The following SPAG16 variants were observed in gnomAD, a reference collection of about 807,000 sequenced individuals.
SPAG16 encodes sperm-associated antigen 16 protein.
SPAG16 carries 86 observed loss-of-function variants against 80.4 expected under a neutral mutation model. That is an observed-to-expected ratio of 1.07 (90% CI 0.90 to 1.28). The LOEUF (loss-of-function observed/expected upper bound fraction) is 1.28. Ranked by LOEUF, SPAG16 falls within the 50% of genes most tolerant of loss-of-function variation. The pLI, the probability that SPAG16 is intolerant of heterozygous loss-of-function variation, is 0.00. For synonymous variants in SPAG16, 294 were observed against 265.9 expected (o/e 1.11, Z -1.03); for missense variants, 870 against 765.3 (o/e 1.14, Z -1.61).
At chr2:213,332,733 T>A (rs1183880410) in intron 5 of SPAG16, among the ~76,000 whole-genome samples, 1 of 152,184 alleles carries the variant, frequency 6.6e-6, no homozygotes, top group African/African-American at 2.4e-5. Context: ...TGCAAGTTAA[T>A]CAGTGTGATA....
intron 12 of SPAG16, among the ~76,000 whole-genome samples, chr2:214,012,284 A>ATTTTTTTTTTTTT (rs1483720818): frequency 5.5e-4 from 30 of 54,586 alleles, no homozygotes; most frequent in African/African-American, 1.3e-3. Context: ...ATATATATAT[A>ATTTTTTTTTTTTT]TATATTTTTT....
chr2:213,312,302 A>G (rs924811860), intron 4 of SPAG16, among the ~76,000 whole-genome samples: 5 of 151,684 alleles, frequency 3.3e-5, no homozygotes, highest in Non-Finnish European at 5.9e-5. Flanking sequence ...TTCTATTTAT[A>G]TGCCTATTTT....
At chr2:213,761,589 C>T (rs911592483) in intron 10 of SPAG16, among the ~76,000 whole-genome samples, 7 of 152,078 alleles carry the variant, frequency 4.6e-5, no homozygotes, top group Admixed American at 6.5e-5. Context: ...AGGCTGGGCA[C>T]GGTGGCTCAC....
At chr2:214,067,750 ATAT>A (rs1330153293) in intron 13 of SPAG16, among the ~76,000 whole-genome samples, 2 of 152,128 alleles carry the variant, frequency 1.3e-5, no homozygotes, top group Non-Finnish European at 2.9e-5. Flanking sequence ...TTTTGTTGAA[ATAT>A]TATTTTCATG....
intron 10 of SPAG16, among the ~76,000 whole-genome samples, chr2:213,634,864 G>A (rs1411100898): frequency 4.0e-5 from 6 of 151,692 alleles, no homozygotes; most frequent in African/African-American, 9.7e-5. Flanking sequence ...TTGGTTTTCC[G>A]CTCCTGAGTA....
chr2:213,800,840 G>A (rs533230122), intron 10 of SPAG16, among the ~76,000 whole-genome samples: 105 of 152,190 alleles, frequency 6.9e-4, no homozygotes, highest in African/African-American at 2.4e-3. Flanking sequence ...AGTAGAGTAC[G>A]CTGTGCCAAT....
intron 14 of SPAG16, among the ~76,000 whole-genome samples, chr2:214,125,986 TTTTCCTTCCTTC>T (rs1408617797): frequency 7.1e-4 from 100 of 141,558 alleles, no homozygotes; most frequent in African/African-American, 1.9e-3. Context: ...CCTGACTTTC[TTTTCCTTCCTTC>T]TTTCCTTCCT....
intron 10 of SPAG16, among the ~76,000 whole-genome samples, chr2:213,859,785 A>G (rs1308479060): frequency 2.0e-5 from 3 of 152,204 alleles, no homozygotes; most frequent in African/African-American, 7.2e-5. Flanking sequence ...TGATAGTACC[A>G]ACATCAGTCA....
At chr2:213,826,762 CTA>C (rs1367124398) in intron 10 of SPAG16, among the ~76,000 whole-genome samples, 2 of 151,922 alleles carry the variant, frequency 1.3e-5, no homozygotes, top group Non-Finnish European at 2.9e-5. Flanking sequence ...TCCATTTGTT[CTA>C]TAGTATGGAT....
chr2:213,742,293 T>G (rs1575004214), intron 10 of SPAG16, among the ~76,000 whole-genome samples: 1 of 152,276 alleles, frequency 6.6e-6, no homozygotes, highest in East Asian at 1.9e-4. Flanking sequence ...ATTAATAAAT[T>G]CATTTGTCTT....
chr2:213,474,354 C>T (rs59590839), intron 9 of SPAG16, among the ~76,000 whole-genome samples: 14,787 of 152,124 alleles, frequency 0.097, 1,874 homozygotes, highest in African/African-American at 0.29. Flanking sequence ...CTCAGGGAAA[C>T]CTTGGCAGAT....
intron 9 of SPAG16, among the ~76,000 whole-genome samples, chr2:213,405,920 G>C (rs774482375): frequency 6.6e-6 from 1 of 152,100 alleles, no homozygotes; most frequent in Non-Finnish European, 1.5e-5. Flanking sequence ...GCAAAATAAG[G>C]GTTTTCAAAG....
chr2:214,338,521 A>T (rs950539207), intron 15 of SPAG16, among the ~76,000 whole-genome samples: 6 of 152,210 alleles, frequency 3.9e-5, no homozygotes, highest in African/African-American at 1.4e-4. Context: ...TAAAATAATA[A>T]AATTTAAAAA....
chr2:213,543,906 T>A (rs932611849), intron 10 of SPAG16, among the ~76,000 whole-genome samples: 5 of 152,122 alleles, frequency 3.3e-5, no homozygotes, highest in Non-Finnish European at 5.9e-5. Flanking sequence ...AATAATTACA[T>A]TGCTAAATGG....
At chr2:214,149,888 AT>A (rs1559085917) in intron 15 of SPAG16, among the ~76,000 whole-genome samples, 1 of 152,074 alleles carries the variant, frequency 6.6e-6, no homozygotes, top group African/African-American at 2.4e-5. Context: ...GAACCACACA[AT>A]AATTCCAGTT....
chr2:213,967,696 G>A (rs2106369912), intron 12 of SPAG16, among the ~76,000 whole-genome samples: 1 of 152,234 alleles, frequency 6.6e-6, no homozygotes, highest in Non-Finnish European at 1.5e-5. Context: ...TATAGATGAT[G>A]TTGTCACCAT....
intron 10 of SPAG16, among the ~76,000 whole-genome samples, chr2:213,578,578 C>A (rs1195787611): frequency 1.3e-5 from 2 of 152,010 alleles, no homozygotes; most frequent in Admixed American, 1.3e-4. Flanking sequence ...AAATCTAGGA[C>A]TTAAGACATG....
chr2:214,071,987 T>C (rs1432573611), intron 13 of SPAG16, among the ~76,000 whole-genome samples: 2 of 152,162 alleles, frequency 1.3e-5, no homozygotes, highest in African/African-American at 4.8e-5. Context: ...AAATTAATCA[T>C]AAATATGTAC....
At chr2:213,815,960 T>C (rs571908504) in intron 10 of SPAG16, among the ~76,000 whole-genome samples, 15 of 152,182 alleles carry the variant, frequency 9.9e-5, no homozygotes, top group African/African-American at 3.4e-4. Flanking sequence ...ATTAGGCAGC[T>C]CACATACTCA....
Sources: allele counts gnomAD v4.1 joint callset (sites outside exome capture counted in the v4.1 genomes callset), GRCh38; gene constraint gnomAD v4.1.1; transcripts MANE v1.5; gene names NCBI Gene and HGNC (gene_info 2026-07-23, HGNC 2026-07-21).